Variants in SUSD6 observed in about 807,000 individuals in gnomAD.
The protein encoded by SUSD6 is sushi domain containing 6.
In SUSD6, 16 loss-of-function variants were observed where a neutral mutation model predicts 28.4. The observed-to-expected ratio is 0.56, with a 90% CI of 0.38 to 0.86. The LOEUF is 0.86. Among genes scored for constraint, SUSD6 ranks in the 40% least tolerant of loss-of-function variants. The pLI, the probability that SUSD6 is intolerant of heterozygous loss-of-function variation, is 0.00. For missense variants in SUSD6, 341 were observed against 384.2 expected (o/e 0.89, Z 0.94); for synonymous variants, 147 against 159.6 (o/e 0.92, Z 0.59).
At chr14:69,701,989 A>G (rs77956013) in intron 2 of SUSD6, among the ~76,000 whole-genome samples, 3,426 of 152,212 alleles carry the variant, frequency 0.023, 128 homozygotes, top group African/African-American at 0.079. Context: ...ATTGGAAAGA[A>G]GAGGCATGGG....
intron 2 of SUSD6, among the ~76,000 whole-genome samples, chr14:69,674,646 G>A (rs753774980): frequency 2.6e-5 from 4 of 152,104 alleles, no homozygotes; most frequent in Non-Finnish European, 4.4e-5. Flanking sequence ...GGAATTTGCT[G>A]TTCTTCAGAT....
At chr14:69,657,984 G>A (rs867531774) in intron 1 of SUSD6, among the ~76,000 whole-genome samples, 1 of 152,198 alleles carries the variant, frequency 6.6e-6, no homozygotes, top group East Asian at 1.9e-4. Flanking sequence ...TGAGATTCAC[G>A]GCTGTCGAGT....
chr14:69,647,235 T>C (rs562843195), intron 1 of SUSD6, among the ~76,000 whole-genome samples: 1 of 149,802 alleles, frequency 6.7e-6, no homozygotes, highest in Admixed American at 6.6e-5. Context: ...ACTGAAATTA[T>C]ATCAGGAAGA....
chr14:69,702,197 G>T (rs931597624), intron 2 of SUSD6, among the ~76,000 whole-genome samples: 1 of 152,210 alleles, frequency 6.6e-6, no homozygotes, highest in African/African-American at 2.4e-5. Context: ...ATGGGGGCAG[G>T]TTATTTGTCA....
chr14:69,623,575 A>C (rs539393236), intron 1 of SUSD6, among the ~76,000 whole-genome samples: 32 of 152,256 alleles, frequency 2.1e-4, no homozygotes, highest in African/African-American at 6.3e-4. Flanking sequence ...AAAACTCCCC[A>C]AAAAAACAGT....
At chr14:69,613,385 C>T (rs1455687305) in intron 1 of SUSD6, among the ~76,000 whole-genome samples, 2 of 152,190 alleles carry the variant, frequency 1.3e-5, no homozygotes, top group African/African-American at 4.8e-5. Context: ...AAAATTGAAC[C>T]TGGAGTCTTT....
At position 69,658,632 on chromosome 14, in the gene SUSD6, T is replaced by C. The variant is rs150672072; in HGVS notation, c.40T>C (p.Phe14Leu). Residue 14 changes from phenylalanine (F) to leucine (L), a missense_variant, in exon 2 of 6, where the codon TTT becomes CTT. Coordinates refer to ENST00000342745, the MANE Select transcript of SUSD6 (RefSeq NM_014734.4). ...GRIAPKSTSVFAVASVGHGVF... is the reference protein window; with the variant it reads ...GRIAPKSTSVLAVASVGHGVF... Reference sequence around the variant, plus strand: ...GATAGCACCAAAGAGCACCTCAGTGTTTGCCGTGGCCTCCGTGGGACATGG... The same window carrying C: ...GATAGCACCAAAGAGCACCTCAGTGCTTGCCGTGGCCTCCGTGGGACATGG... The C allele has an allele frequency of 7.3e-5, 118 of 1,614,044 alleles. No individual in the cohort carries two copies. The highest frequency in any genetic ancestry group is 1.2e-4 in the Admixed American group (7 of 60,002).
chr14:69,647,496 T>C (rs750267093), intron 1 of SUSD6, among the ~76,000 whole-genome samples: 145 of 152,240 alleles, frequency 9.5e-4, no homozygotes, highest in Non-Finnish European at 1.6e-3. Context: ...ATGCAAGAAA[T>C]AGGCAAAGCT....
At chr14:69,670,438 C>T (rs1404719000) in intron 2 of SUSD6, 1 of 456,580 alleles carries the variant, frequency 2.2e-6, no homozygotes, top group African/African-American at 2.0e-5. Flanking sequence ...ATTAGGGGGT[C>T]TCCTGACTCA....
At chr14:69,621,926 A>C (rs1341055267) in intron 1 of SUSD6, among the ~76,000 whole-genome samples, 1 of 152,112 alleles carries the variant, frequency 6.6e-6, no homozygotes, top group African/African-American at 2.4e-5. Flanking sequence ...GAATGAACAG[A>C]CTTCAGGGTT....
At chr14:69,644,892 C>T (rs1409310248) in intron 1 of SUSD6, among the ~76,000 whole-genome samples, 1 of 152,082 alleles carries the variant, frequency 6.6e-6, no homozygotes, top group Non-Finnish European at 1.5e-5. Flanking sequence ...ACATATAGAC[C>T]TTGGCAGAGG....
intron 1 of SUSD6, among the ~76,000 whole-genome samples, chr14:69,632,420 C>T (rs1431507187): frequency 2.0e-5 from 3 of 152,156 alleles, no homozygotes; most frequent in African/African-American, 7.2e-5. Flanking sequence ...GGGGAAAACT[C>T]ATCGTGTAAG....
intron 1 of SUSD6, among the ~76,000 whole-genome samples, chr14:69,634,572 T>G (rs1885237028): frequency 6.6e-6 from 1 of 152,336 alleles, no homozygotes; most frequent in East Asian, 1.9e-4. Flanking sequence ...GTTGGTAACA[T>G]CTGTGGGCTA....
chr14:69,612,019 T>C (rs1182597669), intron 1 of SUSD6, among the ~76,000 whole-genome samples, 191 bp downstream of exon 1: 5 of 148,972 alleles, frequency 3.4e-5, no homozygotes, highest in Non-Finnish European at 7.5e-5. Flanking sequence ...GCCGCGCCGC[T>C]GGGAGCCCCG....
intron 1 of SUSD6, among the ~76,000 whole-genome samples, chr14:69,657,974 T>C (rs1885608604): frequency 6.6e-6 from 1 of 152,230 alleles, no homozygotes; most frequent in Admixed American, 6.5e-5. Context: ...CCTTGATTAA[T>C]GAGATTCACG....
intron 1 of SUSD6, among the ~76,000 whole-genome samples, chr14:69,638,570 C>A (rs757432418): frequency 6.6e-6 from 1 of 151,956 alleles, no homozygotes; most frequent in Non-Finnish European, 1.5e-5. Context: ...ATACCCTAAC[C>A]AGGACTTCCC....
At chr14:69,699,850 C>T (rs1274826537) in intron 2 of SUSD6, among the ~76,000 whole-genome samples, 2 of 152,000 alleles carry the variant, frequency 1.3e-5, no homozygotes, top group Non-Finnish European at 2.9e-5. Context: ...AAATGGGTTG[C>T]ACTTCTGCAG....
chr14:69,637,173 C>T (rs985646798), intron 1 of SUSD6, among the ~76,000 whole-genome samples: 2 of 152,128 alleles, frequency 1.3e-5, no homozygotes, highest in African/African-American at 4.8e-5. Context: ...CCTGTACCCA[C>T]CTCTTTCTGC....
intron 2 of SUSD6, among the ~76,000 whole-genome samples, chr14:69,662,218 G>A (rs1885673344): frequency 6.6e-6 from 1 of 152,154 alleles, no homozygotes; most frequent in Non-Finnish European, 1.5e-5. Context: ...ATATGCGTGT[G>A]TACAGGCACA....
Sources: gnomAD v4.1 joint callset for allele counts (sites outside exome capture counted in the v4.1 genomes callset) on GRCh38, gnomAD v4.1.1 for gene constraint, MANE v1.5 for transcripts, NCBI Gene and HGNC (gene_info 2026-07-23, HGNC 2026-07-21) for gene names.